The following BEAN1 variants were observed in gnomAD, a reference collection of about 807,000 sequenced individuals.
The protein encoded by BEAN1 is protein BEAN1.
A neutral mutation model predicts 17.7 loss-of-function variants in BEAN1; 17 were observed. The observed-to-expected ratio is 0.96, with a 90% CI of 0.66 to 1.44. The LOEUF (loss-of-function observed/expected upper bound fraction) is 1.44, where lower values mean the gene tolerates loss of function less well. Ranked by LOEUF, BEAN1 falls within the 40% of genes most tolerant of loss-of-function variation. The pLI is 0.00. For missense variants in BEAN1, 359 were observed against 374.1 expected, an observed-to-expected ratio of 0.96 and a Z score of 0.33; for synonymous variants, 142 against 151.8, an observed-to-expected ratio of 0.94 and a Z score of 0.47.
chr16:66,434,133 G>A lies in BEAN1; in HGVS notation c.-82-3462G>A, dbSNP rs995724809. On this transcript the variant is annotated intron_variant, in intron 1 of 4. Coordinates refer to ENST00000536005, the MANE Select transcript of BEAN1 (RefSeq NM_001178020.3). The surrounding 1 kb of genome is among the most constrained non-coding windows in gnomAD (Gnocchi z 4.3). The stretch of plus-strand genomic sequence containing the variant: ...TGAGTCACTGGCAGGAGCGAGCCTC[G>A]CATGCTGGGCTCAAAGAGAGGCGGG... 5.3e-5 allele frequency among the ~76,000 whole-genome samples: 8 copies of A among 152,194 alleles called. No individual in the cohort carries two copies. Among genetic ancestry groups the A allele is most frequent in the East Asian group, 1.9e-4 (1 of 5,188 alleles).
At position 66,480,570 on chromosome 16, in the gene BEAN1, G is replaced by T; in HGVS notation, c.441-16G>T. The T allele has an allele frequency of 6.6e-7, 1 of 1,510,478 alleles. No individual in the cohort carries two copies. 93.6% of individuals were successfully genotyped at this position (1,510,478 alleles called of 1,614,324 possible). A position where few individuals can be genotyped will look rare whatever the true frequency, so the allele number is the denominator to read the frequency against. On this transcript the variant is annotated splice_polypyrimidine_tract_variant and intron_variant, in intron 4 of 4. Coordinates refer to ENST00000536005, the MANE Select transcript of BEAN1 (RefSeq NM_001178020.3). ...AAGGCCTAGGTGGGGCACTGAGGGAGCCTCTTCTCTCGTAGCTACGAGGAG... is the reference window on the plus strand; with the variant it reads ...AAGGCCTAGGTGGGGCACTGAGGGATCCTCTTCTCTCGTAGCTACGAGGAG...
At chr16:66,451,559 G>A (rs545211414) in intron 2 of BEAN1, among the ~76,000 whole-genome samples, 3 of 152,192 alleles carry the variant, frequency 2.0e-5, no homozygotes, top group Non-Finnish European at 4.4e-5. Context: ...TTACTCTTTT[G>A]TCTTTCACAT....
rs2142373710 is a variant in BEAN1 at position 66,434,672 on chromosome 16, G to A, written c.-82-2923G>A. Among the ~76,000 whole-genome samples, 1 of 152,304 alleles carries A rather than the reference G, an allele frequency of 6.6e-6. No individual in the cohort carries two copies. The highest frequency in any genetic ancestry group is 1.9e-4 in the East Asian group (1 of 5,168). Reference sequence around the variant, plus strand: ...AGTGCTGATGGCATTGCAGGAGGCAGGGAGTGGCAGCCCGGGTTACTGTTG... The same window carrying A: ...AGTGCTGATGGCATTGCAGGAGGCAAGGAGTGGCAGCCCGGGTTACTGTTG... On this transcript the variant is annotated intron_variant, in intron 1 of 4. Coordinates refer to ENST00000536005, the MANE Select transcript of BEAN1 (RefSeq NM_001178020.3). This position sits in a 1 kb window ranked among gnomAD's most constrained non-coding sequence, Gnocchi z 4.3.
chr16:66,448,843 A>G (rs1416764864), intron 2 of BEAN1, among the ~76,000 whole-genome samples: 1 of 152,086 alleles, frequency 6.6e-6, no homozygotes, highest in Non-Finnish European at 1.5e-5. Context: ...AAAGAAAGAA[A>G]GAAAAGAAAC....
intron 2 of BEAN1, among the ~76,000 whole-genome samples, chr16:66,460,657 G>A (rs746053963): frequency 6.6e-6 from 1 of 152,196 alleles, no homozygotes; most frequent in Non-Finnish European, 1.5e-5. Flanking sequence ...GGTCATGGCT[G>A]GCTCTGGCTA....
At chr16:66,472,678 T>C (rs778568961) in intron 3 of BEAN1, among the ~76,000 whole-genome samples, 7 of 152,108 alleles carry the variant, frequency 4.6e-5, no homozygotes, top group Non-Finnish European at 1.0e-4. Context: ...CACTCCAGCC[T>C]GGGTGGCAGA....
chr16:66,448,756 G>A (rs191207373), intron 2 of BEAN1, among the ~76,000 whole-genome samples: 35 of 152,372 alleles, frequency 2.3e-4, no homozygotes, highest in African/African-American at 8.2e-4. Context: ...CCAGGAGGCA[G>A]AGGTTGCGGT....
intron 1 of BEAN1, among the ~76,000 whole-genome samples, chr16:66,433,705 C>CAGT (rs1219774707): frequency 1.3e-5 from 2 of 152,224 alleles, no homozygotes; most frequent in East Asian, 3.8e-4. Context: ...TTTGAGGATC[C>CAGT]AGTAAGCTGA....
At chr16:66,489,730 G>A (rs1168143773) in intron 4 of BEAN1, among the ~76,000 whole-genome samples, 1 of 152,218 alleles carries the variant, frequency 6.6e-6, no homozygotes, top group Non-Finnish European at 1.5e-5. Flanking sequence ...AGACAGGGCT[G>A]TCTGCACAGA....
Position 66,469,603 on chromosome 16 carries a change from A to C in BEAN1, c.27A>C (p.Leu9Phe). The change falls in exon 3 of 5, where the codon TTA becomes TTC. Residue 9 changes from leucine (L) to phenylalanine (F), a missense_variant and splice_region_variant. Transcript: ENST00000536005. The part of the protein sequence containing the change: MSFKRPCP[L>F]ARYNRTSYFY... ...AGTGTCCTCTCTCTCTGTCCACAGT[A>C]GCACGATACAACCGCACCAGCTACT... is the stretch of plus-strand genomic sequence containing the variant. 6.5e-7 allele frequency: 1 copy of C among 1,535,636 alleles called. No individual in the cohort carries two copies. The highest frequency in any genetic ancestry group is 8.7e-7 in the Non-Finnish European group (1 of 1,146,528).
chr16:66,474,527 G>T (rs997166717), intron 3 of BEAN1, among the ~76,000 whole-genome samples: 3 of 137,748 alleles, frequency 2.2e-5, no homozygotes, highest in Non-Finnish European at 3.1e-5. Flanking sequence ...TGAGATGGGG[G>T]TGGGGGAGGA....
At chr16:66,437,346 GA>G (rs1384765330) in intron 1 of BEAN1, among the ~76,000 whole-genome samples, 1 of 151,778 alleles carries the variant, frequency 6.6e-6, no homozygotes, top group Admixed American at 6.6e-5. Flanking sequence ...CCACCCAAGA[GA>G]GATATCTCCT....
At chr16:66,452,854 G>A (rs1263525667) in intron 2 of BEAN1, among the ~76,000 whole-genome samples, 3 of 152,098 alleles carry the variant, frequency 2.0e-5, no homozygotes, top group African/African-American at 7.2e-5. Context: ...CCAGGATGGA[G>A]AGAGGATATC....
chr16:66,466,276 CA>C (rs904217271), intron 2 of BEAN1, among the ~76,000 whole-genome samples: 9 of 151,322 alleles, frequency 5.9e-5, no homozygotes, highest in Admixed American at 2.6e-4. Flanking sequence ...GACTCTGTCT[CA>C]AAAAAAACAA....
intron 2 of BEAN1, among the ~76,000 whole-genome samples, chr16:66,441,716 G>A (rs1227620140): frequency 1.3e-5 from 2 of 152,198 alleles, no homozygotes; most frequent in Non-Finnish European, 2.9e-5. Flanking sequence ...CCCACCAAGT[G>A]CAAGGTGGCA....
At chr16:66,491,915 T>C (rs571885575) in intron 4 of BEAN1, among the ~76,000 whole-genome samples, 5 of 152,286 alleles carry the variant, frequency 3.3e-5, no homozygotes, top group South Asian at 2.1e-4. Context: ...GGCCTGGGGA[T>C]TGGGGACTCC....
In BEAN1 at chr16:66,469,270, C is replaced by T. The variant is rs148404253; in HGVS notation, c.26-332C>T. Reference sequence around the variant, plus strand: ...TAAGAGTCTTGGATTCAAGCCTCAGCTCTACCACTAATTTGCTGGGTAACC... The same window carrying T: ...TAAGAGTCTTGGATTCAAGCCTCAGTTCTACCACTAATTTGCTGGGTAACC... On this transcript the variant is annotated intron_variant, in intron 2 of 4. Coordinates refer to ENST00000536005, the MANE Select transcript of BEAN1 (RefSeq NM_001178020.3). Among the ~76,000 whole-genome samples the T allele has an allele frequency of 7.6e-3, 1,151 of 152,372 alleles. 15 individuals carry two copies. Among genetic ancestry groups the T allele is most frequent in the African/African-American group, 0.026 (1,070 of 41,580 alleles).
chr16:66,470,170 CGATG>C (rs71376799), intron 3 of BEAN1: 14,104 of 344,008 alleles, frequency 0.041, 707 homozygotes, highest in African/African-American at 0.17. Context: ...TCTGGTGTCT[CGATG>C]GATGGATGGA....
chr16:66,486,395 G>A (rs998364012), downstream of BEAN1, among the ~76,000 whole-genome samples: 5 of 152,054 alleles, frequency 3.3e-5, no homozygotes, highest in African/African-American at 9.7e-5. Context: ...CTGGGATTAC[G>A]GGCACATGTC....
Sources: gnomAD v4.1 joint callset for allele counts (sites outside exome capture counted in the v4.1 genomes callset) on GRCh38, gnomAD v4.1.1 for gene constraint, Gnocchi (gnomAD v3.1) non-coding constraint, MANE v1.5 for transcripts, NCBI Gene and HGNC (gene_info 2026-07-23, HGNC 2026-07-21) for gene names.